The following ANKS1B variants were observed in gnomAD, a reference collection of about 807,000 sequenced individuals.
The protein encoded by ANKS1B is ankyrin repeat and sterile alpha motif domain-containing protein 1B.
Under a neutral mutation model 148.3 loss-of-function variants are expected in ANKS1B, and 36 were observed. The ratio of observed to expected loss-of-function variants is 0.24; its 90% confidence interval spans 0.19 to 0.32. The LOEUF (loss-of-function observed/expected upper bound fraction) is 0.32, where lower values mean the gene tolerates loss of function less well. Ranked by LOEUF, ANKS1B falls within the 10% of genes least tolerant of loss-of-function variation. The pLI, the probability that ANKS1B is intolerant of heterozygous loss-of-function variation, is 1.00. For synonymous variants in ANKS1B, 542 were observed against 560.8 expected (o/e 0.97, Z 0.47); for missense variants, 1,157 against 1,542.6 (o/e 0.75, Z 4.19).
At chr12:99,153,592 G>T (rs956004569) in intron 15 of ANKS1B, among the ~76,000 whole-genome samples, 2 of 152,114 alleles carry the variant, frequency 1.3e-5, no homozygotes, top group African/African-American at 4.8e-5. Flanking sequence ...CACATGCCAG[G>T]TTTAGATTGC....
intron 12 of ANKS1B, among the ~76,000 whole-genome samples, chr12:99,308,741 T>C (rs969378430): frequency 6.6e-6 from 1 of 151,862 alleles, no homozygotes; most frequent in Non-Finnish European, 1.5e-5. Context: ...CCATTTTGGA[T>C]ATGGTCTATG....
At chr12:99,127,492 A>T (rs141595063) in intron 15 of ANKS1B, among the ~76,000 whole-genome samples, 158 of 152,336 alleles carry the variant, frequency 1.0e-3, no homozygotes, top group African/African-American at 3.7e-3. Context: ...AAAAAGCAAA[A>T]GGTACATAAT....
At chr12:99,136,234 G>T (rs1182807527) in intron 15 of ANKS1B, among the ~76,000 whole-genome samples, 1 of 152,172 alleles carries the variant, frequency 6.6e-6, no homozygotes, top group East Asian at 1.9e-4. Flanking sequence ...TTTCATTCTT[G>T]ATACGGCTTC....
At chr12:98,921,864 C>G (rs1174670579) in intron 17 of ANKS1B, among the ~76,000 whole-genome samples, 1 of 152,114 alleles carries the variant, frequency 6.6e-6, no homozygotes, top group Non-Finnish European at 1.5e-5. Flanking sequence ...GCATAAAGTT[C>G]TAAATTTGAA....
At position 99,812,251 on chromosome 12, in the gene ANKS1B, C is replaced by A. The variant is rs79589060; in HGVS notation, c.276G>T (p.Gly92=). The part of the protein sequence containing the change: ...EASTNVADNK[G]YFPIHLAAWK... ...AGGCAGCCAGGTGAATAGGAAAATA[C>A]CCTTTGTTGTCTGCTACATTTGTTG... Residue 92 remains glycine, a synonymous_variant, in exon 3 of 27, where the codon GGG becomes GGT. Coordinates refer to ENST00000683438, the MANE Select transcript of ANKS1B (RefSeq NM_001352186.2). The A allele has an allele frequency of 6.6e-4, 1,066 of 1,611,810 alleles. 11 individuals are homozygous for A. In the African/African-American group the frequency reaches 0.012, roughly 18 times the overall value.
At chr12:99,945,555 T>G (rs1208808629) in intron 1 of ANKS1B, among the ~76,000 whole-genome samples, 1 of 152,198 alleles carries the variant, frequency 6.6e-6, no homozygotes, top group Non-Finnish European at 1.5e-5. Flanking sequence ...TATTTCATTC[T>G]TCAAAAGCAA....
At chr12:98,900,329 GCTTAT>G (rs1284934364) in intron 17 of ANKS1B, among the ~76,000 whole-genome samples, 2 of 152,246 alleles carry the variant, frequency 1.3e-5, no homozygotes, top group East Asian at 3.9e-4. Context: ...TTCAATGTTA[GCTTAT>G]CTTAGTATTC....
intron 14 of ANKS1B, among the ~76,000 whole-genome samples, chr12:99,159,566 T>A (rs2076426167): frequency 1.3e-5 from 2 of 152,180 alleles, no homozygotes; most frequent in African/African-American, 4.8e-5. Context: ...TTTTTTTTCT[T>A]TTTTTATGGA....
chr12:99,315,383 C>A (rs1041055690), intron 12 of ANKS1B, among the ~76,000 whole-genome samples: 1 of 151,860 alleles, frequency 6.6e-6, no homozygotes, highest in Non-Finnish European at 1.5e-5. Context: ...AAAACAACCC[C>A]ATCAAAAAGT....
intron 9 of ANKS1B, 99 bp downstream of exon 9, chr12:99,654,968 A>G: frequency 7.5e-7 from 1 of 1,328,056 alleles, no homozygotes; most frequent in South Asian, 1.7e-5. Context: ...CAAAGTGAAC[A>G]AGATCCTAAT....
intron 17 of ANKS1B, among the ~76,000 whole-genome samples, chr12:99,014,119 A>G (rs2099941033): frequency 6.6e-6 from 1 of 152,216 alleles, no homozygotes; most frequent in African/African-American, 2.4e-5. Flanking sequence ...CCAATTTCAA[A>G]CTATACTACA....
At chr12:99,809,281 A>G (rs147488401) in intron 3 of ANKS1B, among the ~76,000 whole-genome samples, 3 of 152,206 alleles carry the variant, frequency 2.0e-5, no homozygotes, top group Non-Finnish European at 4.4e-5. Flanking sequence ...GGTTCAGAGT[A>G]AAACATCTAA....
intron 9 of ANKS1B, among the ~76,000 whole-genome samples, chr12:99,604,773 C>T (rs907280627): frequency 1.3e-5 from 2 of 148,566 alleles, no homozygotes; most frequent in African/African-American, 2.5e-5. Context: ...TGAGATCACA[C>T]CATTGCACTC....
chr12:99,233,693 T>C (rs1026743604), intron 14 of ANKS1B, among the ~76,000 whole-genome samples: 7 of 152,290 alleles, frequency 4.6e-5, no homozygotes, highest in African/African-American at 1.7e-4. Flanking sequence ...CTCTTATTTC[T>C]GTCTTAGTCC....
intron 9 of ANKS1B, chr12:99,648,003 A>G: frequency 1.2e-6 from 1 of 863,750 alleles, no homozygotes; most frequent in Non-Finnish European, 1.7e-6. Context: ...AGCGGTTGGT[A>G]ATCAATACCC....
chr12:99,070,336 C>A (rs913448258), intron 16 of ANKS1B, among the ~76,000 whole-genome samples: 2 of 152,174 alleles, frequency 1.3e-5, no homozygotes, highest in Admixed American at 1.3e-4. Flanking sequence ...CAAAGAAATA[C>A]CACGTAATGA....
chr12:98,854,150 A>G (rs938361333), intron 17 of ANKS1B, among the ~76,000 whole-genome samples: 6 of 152,222 alleles, frequency 3.9e-5, no homozygotes, highest in Admixed American at 1.3e-4. Context: ...CTAGTTAAAT[A>G]TGCATGGCAC....
intron 17 of ANKS1B, among the ~76,000 whole-genome samples, chr12:98,962,485 C>T (rs1367038180): frequency 6.6e-6 from 1 of 151,578 alleles, no homozygotes; most frequent in South Asian, 2.1e-4. Flanking sequence ...GAAAGATAGA[C>T]CTGAATACAA....
At chr12:99,549,070 G>C in intron 9 of ANKS1B, among the ~76,000 whole-genome samples, 1 of 152,152 alleles carries the variant, frequency 6.6e-6, no homozygotes, top group Non-Finnish European at 1.5e-5. Context: ...TTTCCAAAAT[G>C]ATCTTCAAAC....
Sources: gnomAD v4.1 joint callset for allele counts (sites outside exome capture counted in the v4.1 genomes callset) on GRCh38, gnomAD v4.1.1 for gene constraint, MANE v1.5 for transcripts, NCBI Gene and HGNC (gene_info 2026-07-23, HGNC 2026-07-21) for gene names.